The following RAB11FIP5 variants were observed in gnomAD, a reference collection of about 807,000 sequenced individuals.
The protein encoded by RAB11FIP5 is rab11 family-interacting protein 5.
A neutral mutation model predicts 85.1 loss-of-function variants in RAB11FIP5; 48 were observed. The observed-to-expected ratio is 0.56, with a 90% CI of 0.45 to 0.72. RAB11FIP5 has a LOEUF of 0.72. RAB11FIP5 is among the 30% of genes least tolerant of loss of function. The pLI is 0.00. For missense variants in RAB11FIP5, 1,491 were observed against 1,687.0 expected (o/e 0.88, Z 2.04); for synonymous variants, 729 against 727.3 (o/e 1.00, Z -0.04).
intron 1 of RAB11FIP5, among the ~76,000 whole-genome samples, chr2:73,111,333 T>C (rs985713787): frequency 1.3e-5 from 2 of 152,160 alleles, no homozygotes; most frequent in African/African-American, 4.8e-5. Context: ...GTGGATGCCA[T>C]TCCACTGGGG....
Position 73,088,488 on chromosome 2 carries a change from TCGGAG to T in RAB11FIP5, c.1125_1129del (p.Phe375LeufsTer9). On this transcript the variant is annotated frameshift_variant, in exon 3 of 6. Transcript: ENST00000486777. LOFTEE classifies it high-confidence loss of function. ...GTCATCTGTGGAACGAGGCCCCTCC[TCGGAG>T]AACCGGGAAGAGACAGCTTGCAAGG... 6.2e-7 allele frequency: 1 copy of T among 1,613,968 alleles called. No homozygotes were observed. The highest frequency in any genetic ancestry group is 1.1e-5 in the South Asian group (1 of 91,080).
At chr2:73,098,838 T>C (rs1022234536) in intron 1 of RAB11FIP5, among the ~76,000 whole-genome samples, 2 of 152,188 alleles carry the variant, frequency 1.3e-5, no homozygotes, top group African/African-American at 4.8e-5. Context: ...TTTGCAACAG[T>C]AGTACAGAAG....
rs1683912858 is a variant in RAB11FIP5, at chr2:73,078,921, A to G, written c.3581+730T>C. Among the ~76,000 whole-genome samples the G allele has an allele frequency of 6.6e-6, 1 of 152,082 alleles. No individual in the cohort carries two copies. The highest frequency in any genetic ancestry group is 2.1e-4 in the South Asian group (1 of 4,828). The stretch of plus-strand genomic sequence containing the variant: ...CTTCATAATTCTTCCAAACCTCCCA[A>G]TGCCACAGTGAGCACAGTCACACAG... On this transcript the variant is annotated intron_variant, in intron 4 of 5. Transcript: ENST00000486777. The surrounding 1 kb of genome is among the most constrained non-coding windows in gnomAD (Gnocchi z 4.4).
rs1295788458 is a variant in RAB11FIP5 at position 73,075,629 on chromosome 2, C to G, written c.3867G>C (p.Gln1289His). Residue 1289 changes from glutamine (Q) to histidine (H), a missense_variant, in exon 6 of 6, where the codon CAG (glutamine) becomes CAC (histidine). Physicochemically the swap from Gln to His is conservative, Grantham distance 24. Coordinates refer to ENST00000486777, the MANE Select transcript of RAB11FIP5 (RefSeq NM_001371272.1). This position sits in a 1 kb window ranked among gnomAD's most constrained non-coding sequence, Gnocchi z 4.6. ...LLLQRERELS[Q>H]RDEHVQELES... The stretch of plus-strand genomic sequence containing the variant: ...CCAGCTCCTGCACATGCTCGTCCCG[C>G]TGGCTCAGCTCCCGCTCCCGCTGCA... The G allele has an allele frequency of 2.5e-6, 4 of 1,614,062 alleles. No homozygotes were observed. The highest frequency in any genetic ancestry group is 3.4e-6 in the Non-Finnish European group (4 of 1,179,980).
chr2:73,074,962 C>T lies in RAB11FIP5; in HGVS notation c.*559G>A. On this transcript the variant is annotated 3_prime_UTR_variant, in exon 6 of 6. Transcript: ENST00000486777. ...AGACTCAGGACATGGCAGAGACTGGCCCAGACCACACAGGCTTCTTGCTCT... is the reference window on the plus strand; with the variant it reads ...AGACTCAGGACATGGCAGAGACTGGTCCAGACCACACAGGCTTCTTGCTCT... The T allele has an allele frequency of 2.8e-6, 1 of 351,672 alleles. No homozygotes were observed. The highest frequency in any genetic ancestry group is 5.6e-6 in the Non-Finnish European group (1 of 178,434). 21.8% of individuals were successfully genotyped at this position (351,672 alleles called of 1,614,324 possible). A position where few individuals can be genotyped will look rare whatever the true frequency, so the allele number is the denominator to read the frequency against.
chr2:73,106,681 A>G (rs1484825932), intron 1 of RAB11FIP5, among the ~76,000 whole-genome samples: 1 of 152,164 alleles, frequency 6.6e-6, no homozygotes, highest in East Asian at 1.9e-4. Flanking sequence ...CTTTACCCCA[A>G]ATCCTACAGC....
rs1683958224 is a variant in RAB11FIP5, at chr2:73,080,704, G to A, written c.2528C>T (p.Ala843Val). 8.1e-7 allele frequency: 1 copy of A among 1,232,572 alleles called. No homozygotes were observed. Among genetic ancestry groups the A allele is most frequent in the Non-Finnish European group, 1.0e-6 (1 of 988,116 alleles). 76.4% of individuals were successfully genotyped at this position (1,232,572 alleles called of 1,614,324 possible). Residue 843 changes from alanine (A) to valine (V), a missense_variant, in exon 4 of 6, where the codon GCA (alanine) becomes GTA (valine). Transcript: ENST00000486777. ...WPWDVVTISP[A>V]AETASLVFRG... ...AAAGACTAGTGAGGCTGTCTCAGCT[G>A]CAGGAGAAATGGTGACCACATCCCA...
rs1683905173 is a variant in RAB11FIP5, at chr2:73,078,582, C to T, written c.3581+1069G>A. Among the ~76,000 whole-genome samples the T allele has an allele frequency of 6.6e-6, 1 of 152,200 alleles. No homozygotes were observed. The highest frequency in any genetic ancestry group is 2.1e-4 in the South Asian group (1 of 4,834). On this transcript the variant is annotated intron_variant, in intron 4 of 5. Transcript: ENST00000486777. This position sits in a 1 kb window ranked among gnomAD's most constrained non-coding sequence, Gnocchi z 4.4. Reference sequence around the variant, plus strand: ...CTGGCCCCTTGGGGTTTCTTCCCTTCTTGGGTCCACTTTATCTTCCCCAGT... The same window carrying T: ...CTGGCCCCTTGGGGTTTCTTCCCTTTTTGGGTCCACTTTATCTTCCCCAGT...
rs1297011600 is a variant in RAB11FIP5 at position 73,088,098 on chromosome 2, C to T, written c.1520G>A (p.Ser507Asn). The T allele has an allele frequency of 6.2e-7, 1 of 1,612,914 alleles. No homozygotes were observed. The highest frequency in any genetic ancestry group is 1.1e-5 in the South Asian group (1 of 91,008). Residue 507 changes from serine to asparagine, a missense_variant, in exon 3 of 6, where the codon AGT becomes AAT. Transcript: ENST00000486777. ...HSSSGEEKAK[S>N]SWFGLREAKD... is the part of the protein sequence containing the mutation. ...GGCTTCTCTCAAGCCAAACCAGCTA[C>T]TCTTGGCCTTTTCCTCCCCACTGGA... is the stretch of plus-strand genomic sequence containing the variant.
At chr2:73,095,280 C>G (rs1340985231) in intron 1 of RAB11FIP5, among the ~76,000 whole-genome samples, 1 of 152,200 alleles carries the variant, frequency 6.6e-6, no homozygotes, top group Non-Finnish European at 1.5e-5. Flanking sequence ...AGAAAAGGCA[C>G]AGTAAGAGAA....
Position 73,090,011 on chromosome 2 carries a change from C to T in RAB11FIP5, c.432-696G>A, listed in dbSNP as rs79086259. On this transcript the variant is annotated intron_variant, in intron 1 of 5. Coordinates refer to ENST00000486777, the MANE Select transcript of RAB11FIP5 (RefSeq NM_001371272.1). Reference sequence around the variant, plus strand: ...ATGGCAGAAAGAGACCCAGGAAAGACGAAGAGCGCTCATATCTGTTGAGCA... The same window carrying T: ...ATGGCAGAAAGAGACCCAGGAAAGATGAAGAGCGCTCATATCTGTTGAGCA... Among the ~76,000 whole-genome samples the T allele has an allele frequency of 2.0e-3, 308 of 152,182 alleles. 3 individuals carry two copies. The East Asian group carries it at 0.038, about 19-fold the overall frequency.
intron 1 of RAB11FIP5, among the ~76,000 whole-genome samples, chr2:73,101,790 A>T (rs1203893988): frequency 6.6e-6 from 1 of 152,186 alleles, no homozygotes; most frequent in Non-Finnish European, 1.5e-5. Flanking sequence ...TGGGATCCTG[A>T]CATCCTGACA....
chr2:73,075,696 T>C lies in RAB11FIP5; in HGVS notation c.3800A>G (p.Lys1267Arg), dbSNP rs1574291323. The C allele has an allele frequency of 5.6e-6, 9 of 1,611,580 alleles. No homozygotes were observed. Among genetic ancestry groups the C allele is most frequent in the Non-Finnish European group, 7.6e-6 (9 of 1,178,868 alleles). The stretch of plus-strand genomic sequence containing the variant: ...CTCATCGTGGGTCAGGTGGTAGTAC[T>C]TGGCCGACTGGTCCAGCACAGCTGA... ...KDSAVLDQSA[K>R]YYHLTHDELI... Residue 1267 changes from lysine to arginine, a missense_variant, in exon 6 of 6, where the codon AAG becomes AGG. Lys to Arg is a conservative substitution (Grantham distance 26). This residue lies in a region of RAB11FIP5 where 232 missense variants were observed against 259.1 expected (regional missense o/e 0.90). Coordinates refer to ENST00000486777, the MANE Select transcript of RAB11FIP5 (RefSeq NM_001371272.1). This position sits in a 1 kb window ranked among gnomAD's most constrained non-coding sequence, Gnocchi z 4.6.
chr2:73,111,517 G>T (rs1684654732), intron 1 of RAB11FIP5, among the ~76,000 whole-genome samples: 1 of 152,324 alleles, frequency 6.6e-6, no homozygotes, highest in Non-Finnish European at 1.5e-5. Flanking sequence ...GGGCTCCAAG[G>T]CTGAAGCCTT....
At chr2:73,100,022 G>A (rs1684397922) in intron 1 of RAB11FIP5, among the ~76,000 whole-genome samples, 1 of 152,226 alleles carries the variant, frequency 6.6e-6, no homozygotes, top group South Asian at 2.1e-4. Context: ...AAAATACTGG[G>A]TGGGAGAGTC....
chr2:73,110,255 C>A (rs532301053), intron 1 of RAB11FIP5, among the ~76,000 whole-genome samples: 43 of 152,360 alleles, frequency 2.8e-4, no homozygotes, highest in Non-Finnish European at 3.4e-4. Flanking sequence ...GCCTTGCCCT[C>A]TCCCTACCAG....
intron 1 of RAB11FIP5, among the ~76,000 whole-genome samples, chr2:73,100,891 G>A (rs1045774538): frequency 6.6e-6 from 1 of 152,068 alleles, no homozygotes; most frequent in Non-Finnish European, 1.5e-5. Context: ...TGCAACCTAC[G>A]CCAGCCTGCA....
chr2:73,096,379 AAGTGCC>A (rs1217960038), intron 1 of RAB11FIP5, among the ~76,000 whole-genome samples: 1 of 152,158 alleles, frequency 6.6e-6, no homozygotes, highest in East Asian at 1.9e-4. Flanking sequence ...ATACCCATGC[AAGTGCC>A]AGGGAACTCC....
In RAB11FIP5 at chr2:73,089,306, C is replaced by G; in HGVS notation, c.441G>C (p.Lys147Asn). ...CCTTCTTGCCTGGCTTGGAGTGCAG[C>G]TTGTACCACCTGTGAGAAGAGGGGA... ...AGRAQHTQWY[K>N]LHSKPGKKEK... The change falls in exon 2 of 6, where the codon AAG becomes AAC. Residue 147 changes from lysine to asparagine, a missense_variant. Lys to Asn is a moderately conservative substitution (Grantham distance 94). This residue lies in a region of RAB11FIP5 where 1,211 missense variants were observed against 1,338.0 expected (regional missense o/e 0.91). Transcript: ENST00000486777. This position sits in a 1 kb window ranked among gnomAD's most constrained non-coding sequence, Gnocchi z 4.6. The G allele has an allele frequency of 6.2e-7, 1 of 1,613,520 alleles. No individual in the cohort carries two copies. The highest frequency in any genetic ancestry group is 2.2e-5 in the East Asian group (1 of 44,866).
Sources: allele counts gnomAD v4.1 joint callset (sites outside exome capture counted in the v4.1 genomes callset), GRCh38; gene constraint gnomAD v4.1.1; regional missense constraint gnomAD v4.1.1; non-coding constraint Gnocchi (gnomAD v3.1); transcripts MANE v1.5; gene names NCBI Gene and HGNC (gene_info 2026-07-23, HGNC 2026-07-21).